CDIN1: variants seen among roughly 807,000 people sequenced by gnomAD.
CDIN1 encodes the protein CDAN1-interacting nuclease 1.
CDIN1 carries 33 observed loss-of-function variants against 45.3 expected under a neutral mutation model. The observed-to-expected ratio is 0.73, with a 90% CI of 0.55 to 0.97. The LOEUF (loss-of-function observed/expected upper bound fraction) is 0.97, where lower values mean the gene tolerates loss of function less well. Among genes scored for constraint, CDIN1 ranks in the 50% least tolerant of loss-of-function variants. CDIN1 has a pLI of 0.00. For synonymous variants in CDIN1, 118 were observed against 124.4 expected, an observed-to-expected ratio of 0.95 and a Z score of 0.34; for missense variants, 303 against 339.4, an observed-to-expected ratio of 0.89 and a Z score of 0.84.
chr15:36,701,246 T>A (rs1236855234), intron 8 of CDIN1, among the ~76,000 whole-genome samples: 1 of 152,066 alleles, frequency 6.6e-6, no homozygotes, highest in Non-Finnish European at 1.5e-5. Context: ...TACAAAAAAC[T>A]CCTCAACGTT....
rs139465273 is a variant in CDIN1, at chr15:36,645,260, C to T, written c.185C>T (p.Ser62Leu). 5,981 of 1,553,158 alleles carry T rather than the reference C, an allele frequency of 3.9e-3. 14 individuals are homozygous for T. The highest frequency in any genetic ancestry group is 4.9e-3 in the Non-Finnish European group (5,573 of 1,147,432). ...AGAACACATGCCAAACATCATACTT[C>T]GGAAGCAATTGAAAGTTATTACCAG... ...IKRTHAKHHT[S>L]EAIESYYQRY... The change falls in exon 3 of 11, where the codon TCG (serine) becomes TTG (leucine). Residue 62 changes from serine (S) to leucine (L), a missense_variant. Transcript: ENST00000566621.
chr15:36,642,487 C>G (rs954959369), intron 1 of CDIN1, among the ~76,000 whole-genome samples: 1 of 152,194 alleles, frequency 6.6e-6, no homozygotes, highest in African/African-American at 2.4e-5. Context: ...CCCTCTCGGC[C>G]ATAGAAAACT....
chr15:36,591,036 G>A (rs1464110294), intron 1 of CDIN1, among the ~76,000 whole-genome samples: 1 of 152,198 alleles, frequency 6.6e-6, no homozygotes, highest in African/African-American at 2.4e-5. Flanking sequence ...GTTTTAGGAT[G>A]AATAGAGATG....
At chr15:36,698,941 C>T (rs766846270) in intron 8 of CDIN1, among the ~76,000 whole-genome samples, 1 of 152,158 alleles carries the variant, frequency 6.6e-6, no homozygotes, top group Non-Finnish European at 1.5e-5. Context: ...ATTAGATTCA[C>T]CATGGCTGAC....
intron 10 of CDIN1, among the ~76,000 whole-genome samples, chr15:36,736,299 G>A (rs539243074): frequency 6.6e-6 from 1 of 151,932 alleles, no homozygotes; most frequent in Admixed American, 6.6e-5. Flanking sequence ...GAATTGCATG[G>A]TTTGCCCTGT....
intron 6 of CDIN1, 45 bp from the exon 7 acceptor site, chr15:36,692,081 T>C (rs1157997003): frequency 6.3e-7 from 1 of 1,589,994 alleles, no homozygotes; most frequent in Admixed American, 1.7e-5. Context: ...TGTAATAGTT[T>C]TTGTAGCCGC....
chr15:36,601,839 G>A (rs2038121398), intron 1 of CDIN1, among the ~76,000 whole-genome samples: 2 of 152,192 alleles, frequency 1.3e-5, no homozygotes, highest in African/African-American at 2.4e-5. Context: ...ATAGACAGCA[G>A]TGCTGATTGA....
chr15:36,743,978 CT>C (rs34573450), intron 10 of CDIN1, among the ~76,000 whole-genome samples: 86,622 of 139,612 alleles, frequency 0.62, 26,440 homozygotes, highest in East Asian at 0.92. Context: ...CATTTTTTGT[CT>C]TTTTTTTTTT....
Position 36,680,773 on chromosome 15 carries a change from T to C in CDIN1, c.347-10912T>C, listed in dbSNP as rs144309721. On this transcript the variant is annotated intron_variant, in intron 5 of 10. Coordinates refer to ENST00000566621, the MANE Select transcript of CDIN1 (RefSeq NM_001321759.2). The stretch of plus-strand genomic sequence containing the variant: ...CTTGCTTGGTGGATGTGGCCTTGGG[T>C]TGTGCAGTATTGAGAGAACAAATAG... Among the ~76,000 whole-genome samples the C allele has an allele frequency of 9.5e-4, 144 of 152,238 alleles. 1 individual carries two copies. Among genetic ancestry groups the C allele is most frequent in the African/African-American group, 3.3e-3 (136 of 41,550 alleles).
intron 5 of CDIN1, chr15:36,691,112 T>A (rs769887323): frequency 1.9e-6 from 1 of 515,786 alleles, no homozygotes; most frequent in Non-Finnish European, 3.9e-6. Context: ...CAGTCAGTTT[T>A]ACCTACTTTC....
At chr15:36,689,402 C>T (rs1419015057) in intron 5 of CDIN1, among the ~76,000 whole-genome samples, 1 of 152,136 alleles carries the variant, frequency 6.6e-6, no homozygotes, top group Non-Finnish European at 1.5e-5. Context: ...GTCATGGCCA[C>T]TTACATATTA....
chr15:36,630,530 C>A (rs962670904), intron 1 of CDIN1, among the ~76,000 whole-genome samples: 1 of 152,176 alleles, frequency 6.6e-6, no homozygotes, highest in South Asian at 2.1e-4. Flanking sequence ...ACAATATTCC[C>A]TATTGGTGCT....
intron 10 of CDIN1, among the ~76,000 whole-genome samples, chr15:36,762,469 G>GTTGTT (rs900298196): frequency 1.3e-5 from 2 of 149,910 alleles, no homozygotes; most frequent in African/African-American, 4.9e-5. Flanking sequence ...TGCCCCATAT[G>GTTGTT]TTGTTTTGTT....
chr15:36,699,379 G>A (rs919491628), intron 8 of CDIN1, among the ~76,000 whole-genome samples: 2 of 152,070 alleles, frequency 1.3e-5, no homozygotes, highest in Non-Finnish European at 2.9e-5. Context: ...TCATTTTAAA[G>A]CCAACTATGG....
intron 5 of CDIN1, among the ~76,000 whole-genome samples, chr15:36,665,153 C>T (rs923363052): frequency 1.3e-5 from 2 of 152,142 alleles, no homozygotes; most frequent in African/African-American, 2.4e-5. Flanking sequence ...TGTTTGTAGA[C>T]TTGCTTTTTA....
chr15:36,785,302 T>C (rs4924099), intron 10 of CDIN1, among the ~76,000 whole-genome samples: 132,813 of 152,202 alleles, frequency 0.87, 58,018 homozygotes, highest in East Asian at 1. Flanking sequence ...AAAGTGATGA[T>C]ACCATATTTC....
At chr15:36,622,288 G>A (rs556323840) in intron 1 of CDIN1, among the ~76,000 whole-genome samples, 5 of 152,112 alleles carry the variant, frequency 3.3e-5, no homozygotes, top group Admixed American at 6.5e-5. Context: ...TTTTCTCATC[G>A]GGCTTGAGGG....
chr15:36,582,751 A>C (rs2037105214), intron 1 of CDIN1, among the ~76,000 whole-genome samples: 1 of 152,194 alleles, frequency 6.6e-6, no homozygotes, highest in Non-Finnish European at 1.5e-5. Context: ...TATACTGACA[A>C]ATTTAAAAAA....
chr15:36,800,909 G>GTGTATATATATATA lies in CDIN1; in HGVS notation c.717-7414_717-7413insGTATATATATATAT, dbSNP rs1156514805. On this transcript the variant is annotated intron_variant, in intron 10 of 10. Transcript: ENST00000566621. ...TGTGTGTGTGTGTGTGTGTGTGTGT[G>GTGTATATATATATA]TATATATATATATATATATATATAT... is the stretch of plus-strand genomic sequence containing the variant. Among the ~76,000 whole-genome samples the GTGTATATATATATA allele has an allele frequency of 9.2e-3, 206 of 22,334 alleles. 2 individuals carry two copies. Among genetic ancestry groups the GTGTATATATATATA allele is most frequent in the East Asian group, 0.022 (9 of 416 alleles). The allele number at this position is 22,334 out of a possible 152,430, so 14.7% of individuals were successfully genotyped here. A position where few individuals can be genotyped will look rare whatever the true frequency, so the allele number is the denominator to read the frequency against.
Sources: allele counts gnomAD v4.1 joint callset (sites outside exome capture counted in the v4.1 genomes callset), GRCh38; gene constraint gnomAD v4.1.1; transcripts MANE v1.5; gene names NCBI Gene and HGNC (gene_info 2026-07-23, HGNC 2026-07-21).